LSR: variants seen among roughly 807,000 people sequenced by gnomAD.
LSR encodes lipolysis stimulated lipoprotein receptor.
A neutral mutation model predicts 61.8 loss-of-function variants in LSR; 44 were observed. That is an observed-to-expected ratio of 0.71 (90% confidence interval 0.56 to 0.91). The LOEUF is 0.91. Ranked by LOEUF, LSR falls within the 40% of genes least tolerant of loss-of-function variation. The pLI is 0.00. For missense variants in LSR, 911 were observed against 830.5 expected (o/e 1.10, Z -1.19); for synonymous variants, 397 against 350.6 (o/e 1.13, Z -1.48).
intron 2 of LSR, among the ~76,000 whole-genome samples, chr19:35,254,794 C>G (rs2065837303): frequency 6.6e-6 from 1 of 152,176 alleles, no homozygotes; most frequent in Non-Finnish European, 1.5e-5. Context: ...ACAGGGTACG[C>G]CCTGCAGGAA....
chr19:35,262,495 G>C, intron 4 of LSR, 51 bp from the exon 5 acceptor site: 5 of 1,609,706 alleles, frequency 3.1e-6, no homozygotes, highest in Non-Finnish European at 3.4e-6. Context: ...TGTGCCGTTA[G>C]CCCTGTTCCC....
chr19:35,256,029 T>G (rs1043010218), intron 2 of LSR, among the ~76,000 whole-genome samples: 2 of 152,152 alleles, frequency 1.3e-5, no homozygotes, highest in African/African-American at 4.8e-5. Context: ...GGTCAGGAGT[T>G]CCAGACCTGC....
chr19:35,266,646 GGTGCGCGGCCAC>G (rs1427960211), intron 6 of LSR, 21 bp from the exon 7 acceptor site: 1 of 1,600,438 alleles, frequency 6.2e-7, no homozygotes, highest in Non-Finnish European at 8.5e-7. Flanking sequence ...CTCTGCTCCT[GGTGCGCGGCCAC>G]TGACAGCCAC....
chr19:35,253,756 T>C (rs1386020361), intron 2 of LSR: 1 of 152,290 alleles, frequency 6.6e-6, no homozygotes, highest in African/African-American at 2.4e-5. Flanking sequence ...CCCCCTCCTC[T>C]CTAACCCAGG....
At chr19:35,258,572 T>G (rs2065883967) in intron 2 of LSR, among the ~76,000 whole-genome samples, 1 of 150,820 alleles carries the variant, frequency 6.6e-6, no homozygotes, top group Non-Finnish European at 1.5e-5. Flanking sequence ...ACCACTGCAC[T>G]CCAGCCAGGG....
At chr19:35,258,469 A>G (rs80115952) in intron 2 of LSR, among the ~76,000 whole-genome samples, 3 of 151,650 alleles carry the variant, frequency 2.0e-5, no homozygotes, top group Non-Finnish European at 2.9e-5. Flanking sequence ...AAAAAAAAAA[A>G]GCTGGGCATG....
intron 5 of LSR, among the ~76,000 whole-genome samples, chr19:35,265,603 G>A (rs1339596706): frequency 6.6e-6 from 1 of 152,132 alleles, no homozygotes; most frequent in Non-Finnish European, 1.5e-5. Flanking sequence ...CACTTGCCTA[G>A]GGCCCAGGAA....
chr19:35,250,700 G>A (rs780887241), intron 2 of LSR, 41 bp downstream of exon 2: 12 of 1,461,758 alleles, frequency 8.2e-6, no homozygotes, highest in African/African-American at 2.8e-5. Context: ...GGGCTTGCCC[G>A]GGTGGTGGGA....
rs2066009415 is a variant in LSR, at chr19:35,266,899, A to G, written c.1076A>G (p.Tyr359Cys). Residue 359 changes from tyrosine (Y) to cysteine (C), a missense_variant, in exon 8 of 10, where the codon TAC becomes TGC. By Grantham distance (194) the Tyr-to-Cys change is radical. Coordinates refer to ENST00000605618, the MANE Select transcript of LSR (RefSeq NM_205834.4). ...QQDDSMRVLY[Y>C]MEKELANFDP... is the part of the protein sequence containing the mutation. ...GACGACTCCATGCGGGTCCTGTACT[A>G]CATGGAGAAGGAGCTGGCCAACTTC... 1 of 1,613,590 alleles carries G rather than the reference A, an allele frequency of 6.2e-7. No individual in the cohort carries two copies. The highest frequency in any genetic ancestry group is 1.7e-5 in the Admixed American group (1 of 59,960).
chr19:35,261,847 C>G lies in LSR; in HGVS notation c.575-78C>G, dbSNP rs546139579. On this transcript the variant is annotated intron_variant, in intron 3 of 9. Transcript: ENST00000605618. ...AGGGCACACCTTGCACTTGGCCAGC[C>G]TGGAGCTGGGCTTTCGGGGGTGGCA... 1.3e-4 allele frequency: 135 copies of G among 1,047,720 alleles called. No individual in the cohort carries two copies. In the African/African-American group the frequency reaches 2.1e-3, roughly 16 times the overall value. 64.9% of individuals were successfully genotyped at this position (1,047,720 alleles called of 1,614,324 possible). A position where few individuals can be genotyped will look rare whatever the true frequency, so the allele number is the denominator to read the frequency against.
chr19:35,258,524 G>C (rs1311510314), intron 2 of LSR, among the ~76,000 whole-genome samples: 2 of 151,676 alleles, frequency 1.3e-5, no homozygotes, highest in Non-Finnish European at 2.9e-5. Context: ...AGGATTGCTT[G>C]AGTCCAGGAG....
chr19:35,255,896 G>A (rs2853336), intron 2 of LSR, among the ~76,000 whole-genome samples: 71,403 of 151,978 alleles, frequency 0.47, 17,544 homozygotes, highest in Middle Eastern at 0.56. Context: ...TAACTCAAAG[G>A]TTCCGGGCTT....
In LSR at chr19:35,266,627, G is replaced by A. The variant is rs2066003636; in HGVS notation, c.953-52G>A. 3.1e-6 allele frequency: 5 copies of A among 1,597,706 alleles called. No individual in the cohort carries two copies. In the African/African-American group the frequency reaches 4.0e-5, roughly 13 times the overall value. ...TGGAAGGAAGAGTGTCTTGGGAGCC[G>A]AGGAGGGGCTCTGCTCCTGGTGCGC... On this transcript the variant is annotated intron_variant, in intron 6 of 9. Coordinates refer to ENST00000605618, the MANE Select transcript of LSR (RefSeq NM_205834.4).
At chr19:35,261,437 C>T (rs1430941001) in intron 3 of LSR, among the ~76,000 whole-genome samples, 1 of 152,198 alleles carries the variant, frequency 6.6e-6, no homozygotes, top group Non-Finnish European at 1.5e-5. Context: ...TAGCTACTTA[C>T]CCCAGAGGCT....
At chr19:35,263,356 G>A (rs1441488654) in intron 5 of LSR, among the ~76,000 whole-genome samples, 1 of 151,954 alleles carries the variant, frequency 6.6e-6, no homozygotes, top group Non-Finnish European at 1.5e-5. Context: ...CATGATTTAA[G>A]CAAAAAAAAT....
chr19:35,265,556 CT>C, intron 5 of LSR, among the ~76,000 whole-genome samples: 1 of 152,326 alleles, frequency 6.6e-6, no homozygotes, highest in South Asian at 2.1e-4. Context: ...GCCCATCTCT[CT>C]CCTCCATTTT....
At chr19:35,263,258 G>A (rs1283013406) in intron 5 of LSR, among the ~76,000 whole-genome samples, 2 of 151,600 alleles carry the variant, frequency 1.3e-5, no homozygotes, top group Non-Finnish European at 2.9e-5. Flanking sequence ...TCCAGCCTGG[G>A]CGACAGAGTG....
chr19:35,249,238 T>G (rs1469164594), intron 1 of LSR, 107 bp downstream of exon 1: 1 of 1,365,838 alleles, frequency 7.3e-7, no homozygotes, highest in Non-Finnish European at 9.7e-7. Flanking sequence ...TCTCAGAGGC[T>G]GGGACCTTCC....
chr19:35,250,128 C>A (rs376956337), intron 1 of LSR, among the ~76,000 whole-genome samples, 187 bp from the exon 2 acceptor site: 12 of 152,136 alleles, frequency 7.9e-5, no homozygotes, highest in African/African-American at 2.9e-4. Context: ...ACTTCAGCCC[C>A]ACGGGTCTAT....
Sources: gnomAD v4.1 joint callset for allele counts (sites outside exome capture counted in the v4.1 genomes callset) on GRCh38, gnomAD v4.1.1 for gene constraint, MANE v1.5 for transcripts, NCBI Gene and HGNC (gene_info 2026-07-23, HGNC 2026-07-21) for gene names.